MAST4: variants seen among roughly 807,000 people sequenced by gnomAD.
MAST4 encodes the protein microtubule associated serine/threonine kinase family member 4, also known as microtubule-associated serine/threonine-protein kinase 4.
MAST4 carries 89 observed loss-of-function variants against 162.7 expected under a neutral mutation model. That is an observed-to-expected ratio of 0.55 (90% CI 0.46 to 0.65). The LOEUF (loss-of-function observed/expected upper bound fraction) is 0.65, where lower values mean the gene tolerates loss of function less well. Ranked by LOEUF, MAST4 falls within the 30% of genes least tolerant of loss-of-function variation. The pLI is 0.00. For missense variants in MAST4, 3,153 were observed against 3,374.0 expected (o/e 0.93, Z 1.62); for synonymous variants, 1,479 against 1,361.1 (o/e 1.09, Z -1.91).
chr5:66,683,767 A>T lies in MAST4; in HGVS notation c.364-75942A>T, dbSNP rs116129981. On this transcript the variant is annotated intron_variant, in intron 1 of 28. Transcript: ENST00000403625. ...AGGATAAGTAAGTTAGACTCCTGGG[A>T]TCCATCCTCCAGCTTGCTTTTCTAG... Among the ~76,000 whole-genome samples the T allele has an allele frequency of 5.6e-3, 853 of 152,260 alleles. 11 individuals carry two copies. The highest frequency in any genetic ancestry group is 0.02 in the African/African-American group (826 of 41,538).
chr5:66,904,925 C>G (rs917831858), intron 4 of MAST4, among the ~76,000 whole-genome samples: 1 of 152,054 alleles, frequency 6.6e-6, no homozygotes, highest in African/African-American at 2.4e-5. Flanking sequence ...TTCCCCCTTG[C>G]CTCCCTGCAC....
chr5:66,824,257 A>G (rs1215522947), intron 3 of MAST4, among the ~76,000 whole-genome samples: 1 of 152,210 alleles, frequency 6.6e-6, no homozygotes, highest in Admixed American at 6.5e-5. Flanking sequence ...TACTGATGGT[A>G]TTGGAAATCA....
At chr5:66,599,731 G>T (rs1229121287) in intron 1 of MAST4, among the ~76,000 whole-genome samples, 1 of 152,148 alleles carries the variant, frequency 6.6e-6, no homozygotes, top group Non-Finnish European at 1.5e-5. Context: ...CATAAAATGG[G>T]AATAAACTGG....
At chr5:66,989,281 T>C (rs1288805868) in intron 4 of MAST4, among the ~76,000 whole-genome samples, 1 of 152,148 alleles carries the variant, frequency 6.6e-6, no homozygotes, top group African/African-American at 2.4e-5. Flanking sequence ...TATACCTCCT[T>C]GCTCATAATC....
In MAST4 at chr5:66,885,358, A is replaced by G. The variant is rs1269042345; in HGVS notation, c.643-14593A>G. On this transcript the variant is annotated intron_variant, in intron 3 of 28. Coordinates refer to ENST00000403625, the MANE Select transcript of MAST4 (RefSeq NM_001164664.2). ...TTTTTAGTTAAAGCAACACTTATTCATTGATGAAAGGTAGACTGAGAAAAA... is the reference window on the plus strand; with the variant it reads ...TTTTTAGTTAAAGCAACACTTATTCGTTGATGAAAGGTAGACTGAGAAAAA... 2.6e-5 allele frequency among the ~76,000 whole-genome samples: 4 copies of G among 152,230 alleles called. No individual in the cohort carries two copies. In the East Asian group the frequency reaches 7.7e-4, roughly 29 times the overall value.
intron 1 of MAST4, among the ~76,000 whole-genome samples, chr5:66,605,867 T>A (rs145412404): frequency 6.6e-6 from 1 of 152,350 alleles, no homozygotes; most frequent in East Asian, 1.9e-4. Context: ...ATTTCCACTT[T>A]TGACATTAAA....
In MAST4 at chr5:66,742,319, T is replaced by A. The variant is rs1298815817; in HGVS notation, c.364-17390T>A. ...GCCACTGGTTGGCACTCAAGCTCAT[T>A]AAGTTGTTCCCTGGGGTTCTTGTGT... On this transcript the variant is annotated intron_variant, in intron 1 of 28. Transcript: ENST00000403625. Among the ~76,000 whole-genome samples, 3 of 152,334 alleles carry A rather than the reference T, an allele frequency of 2.0e-5. No individual in the cohort carries two copies. The East Asian group carries it at 5.8e-4, about 29-fold the overall frequency.
intron 4 of MAST4, among the ~76,000 whole-genome samples, chr5:66,995,742 G>A (rs1314798854): frequency 6.6e-6 from 1 of 152,018 alleles, no homozygotes; most frequent in East Asian, 1.9e-4. Flanking sequence ...ATAGCACAGT[G>A]GCTCATATGT....
At chr5:67,071,527 G>T (rs755757720) in intron 5 of MAST4, among the ~76,000 whole-genome samples, 1 of 152,108 alleles carries the variant, frequency 6.6e-6, no homozygotes, top group African/African-American at 2.4e-5. Context: ...CCAAGGGGGG[G>T]GCGGGGTGTA....
chr5:66,898,657 TGAAAA>T lies in MAST4; in HGVS notation c.643-1287_643-1283del, dbSNP rs1296908164. ...CTTTACCACTGAACCCTAGAGCCCT[TGAAAA>T]GAAAAGGTTTTGCTATTGGGTGAAA... On this transcript the variant is annotated intron_variant, in intron 3 of 28. Coordinates refer to ENST00000403625, the MANE Select transcript of MAST4 (RefSeq NM_001164664.2). Among the ~76,000 whole-genome samples, 7 of 152,340 alleles carry T rather than the reference TGAAAA, an allele frequency of 4.6e-5. No individual in the cohort carries two copies. The East Asian group carries it at 5.8e-4, about 13-fold the overall frequency.
At chr5:66,980,847 G>A (rs1304890071) in intron 4 of MAST4, among the ~76,000 whole-genome samples, 3 of 152,156 alleles carry the variant, frequency 2.0e-5, no homozygotes, top group Admixed American at 6.5e-5. Flanking sequence ...CCTAGAAAGT[G>A]TAGGTATTCT....
chr5:66,984,819 A>G (rs1749286569), intron 4 of MAST4, among the ~76,000 whole-genome samples: 1 of 152,098 alleles, frequency 6.6e-6, no homozygotes, highest in Non-Finnish European at 1.5e-5. Flanking sequence ...TAGATTGTCC[A>G]CTGGATGAAC....
intron 3 of MAST4, among the ~76,000 whole-genome samples, chr5:66,818,704 C>G (rs1365192719): frequency 6.6e-6 from 1 of 152,040 alleles, no homozygotes; most frequent in Non-Finnish European, 1.5e-5. Context: ...CAGCGCTTGC[C>G]CTTGGATTGC....
chr5:66,675,922 T>G (rs1221084116), intron 1 of MAST4, among the ~76,000 whole-genome samples: 1 of 152,154 alleles, frequency 6.6e-6, no homozygotes, highest in African/African-American at 2.4e-5. Flanking sequence ...GAGTCAAAAG[T>G]TTGACATCTT....
Position 67,160,258 on chromosome 5 carries a change from G to C in MAST4, c.3649-198G>C, listed in dbSNP as rs193300460. ...TCTGTGGACTCCAGAACTCACCCTC[G>C]TAAAGAAACTTCATATTTTGCCTTC... On this transcript the variant is annotated intron_variant, in intron 26 of 28. Coordinates refer to ENST00000403625, the MANE Select transcript of MAST4 (RefSeq NM_001164664.2). Among the ~76,000 whole-genome samples, 28 of 152,296 alleles carry C rather than the reference G, an allele frequency of 1.8e-4. 1 individual carries two copies. The highest frequency in any genetic ancestry group is 6.5e-4 in the African/African-American group (27 of 41,564).
intron 4 of MAST4, among the ~76,000 whole-genome samples, chr5:66,971,639 A>C (rs1183067832): frequency 6.6e-6 from 1 of 152,176 alleles, no homozygotes; most frequent in Admixed American, 6.5e-5. Flanking sequence ...GTAACTTATT[A>C]AATTTTTGTT....
At chr5:67,078,922 A>ATAT (rs1554093931) in intron 5 of MAST4, among the ~76,000 whole-genome samples, 3 of 74,276 alleles carry the variant, frequency 4.0e-5, no homozygotes, top group African/African-American at 1.9e-4. Flanking sequence ...ATATATATAT[A>ATAT]TATATATATA....
intron 4 of MAST4, among the ~76,000 whole-genome samples, chr5:66,944,878 G>A (rs1391547597): frequency 1.3e-5 from 2 of 152,092 alleles, no homozygotes; most frequent in African/African-American, 4.8e-5. Context: ...TTCTTTTAAA[G>A]GACTTACCTG....
chr5:66,682,716 A>AG (rs1748409704), intron 1 of MAST4, among the ~76,000 whole-genome samples: 1 of 152,208 alleles, frequency 6.6e-6, no homozygotes. Flanking sequence ...TAGGGAACAA[A>AG]TAACTGCATA....
Sources: gnomAD v4.1 joint callset for allele counts (sites outside exome capture counted in the v4.1 genomes callset) on GRCh38, gnomAD v4.1.1 for gene constraint, MANE v1.5 for transcripts, NCBI Gene and HGNC (gene_info 2026-07-23, HGNC 2026-07-21) for gene names.